The following PTPN11 variants were observed in gnomAD, a reference collection of about 807,000 sequenced individuals.
PTPN11 encodes protein tyrosine phosphatase non-receptor type 11.
PTPN11 carries 6 observed loss-of-function variants against 78.8 expected under a neutral mutation model. The ratio of observed to expected loss-of-function variants is 0.08; its 90% CI spans 0.04 to 0.15. The LOEUF is 0.15. PTPN11 is among the 10% of genes least tolerant of loss of function. PTPN11 has a pLI of 1.00. For missense variants in PTPN11, 386 were observed against 744.8 expected (o/e 0.52, Z 5.61); for synonymous variants, 221 against 263.5 (o/e 0.84, Z 1.56).
In PTPN11 at chr12:112,434,751, C is replaced by A. The variant is rs190596079; in HGVS notation, c.15-11525C>A. Among the ~76,000 whole-genome samples, 156 of 152,082 alleles carry A rather than the reference C, an allele frequency of 1.0e-3. 1 individual carries two copies. Among genetic ancestry groups the A allele is most frequent in the Admixed American group, 3.5e-3 (53 of 15,264 alleles). ...TAGTGTGTATATGCACATGAACATA[C>A]GTGTCAGTGTATATATGTATATATA... On this transcript the variant is annotated intron_variant, in intron 1 of 15. Transcript: ENST00000351677.
At chr12:112,464,207 C>T (rs561238582) in intron 6 of PTPN11, among the ~76,000 whole-genome samples, 5 of 152,282 alleles carry the variant, frequency 3.3e-5, no homozygotes, top group South Asian at 4.1e-4. Context: ...AAATTCTACA[C>T]GTCATTTCAG....
chr12:112,423,257 A>G (rs1048837456), intron 1 of PTPN11, among the ~76,000 whole-genome samples: 1 of 152,196 alleles, frequency 6.6e-6, no homozygotes, highest in Non-Finnish European at 1.5e-5. Flanking sequence ...CATCAAATGA[A>G]TTTGATAAAG....
At chr12:112,479,572 A>G (rs567200909) in intron 9 of PTPN11, among the ~76,000 whole-genome samples, 2 of 152,350 alleles carry the variant, frequency 1.3e-5, no homozygotes, top group Non-Finnish European at 2.9e-5. Context: ...CTGTGGTAAC[A>G]TTAGGTGTTC....
chr12:112,477,276 C>G (rs921244568), intron 7 of PTPN11, among the ~76,000 whole-genome samples: 3 of 152,158 alleles, frequency 2.0e-5, no homozygotes, highest in Non-Finnish European at 4.4e-5. Flanking sequence ...CTTGGCCTCC[C>G]AAAGTGCTGA....
intron 6 of PTPN11, among the ~76,000 whole-genome samples, chr12:112,470,913 G>C (rs891752901): frequency 4.6e-5 from 7 of 152,268 alleles, no homozygotes; most frequent in African/African-American, 9.6e-5. Flanking sequence ...AGTATTGCTT[G>C]GTAAGACTGG....
intron 1 of PTPN11, among the ~76,000 whole-genome samples, chr12:112,439,511 C>T (rs1174725637): frequency 2.0e-5 from 3 of 151,720 alleles, no homozygotes; most frequent in Non-Finnish European, 2.9e-5. Context: ...CTCTTTTGTT[C>T]AGGCTGGAGT....
chr12:112,460,923 C>T (rs1204130756), intron 6 of PTPN11, among the ~76,000 whole-genome samples: 1 of 152,060 alleles, frequency 6.6e-6, no homozygotes, highest in Non-Finnish European at 1.5e-5. Context: ...TCTTCCTTCC[C>T]CCTCTCCCTG....
intron 5 of PTPN11, among the ~76,000 whole-genome samples, chr12:112,455,618 G>A (rs2038147701): frequency 6.6e-6 from 1 of 152,068 alleles, no homozygotes; most frequent in Non-Finnish European, 1.5e-5. Flanking sequence ...ATTCACTTTG[G>A]CATTGTTGCT....
intron 10 of PTPN11, among the ~76,000 whole-genome samples, chr12:112,484,498 G>T (rs545271425): frequency 4.6e-5 from 7 of 152,224 alleles, no homozygotes; most frequent in Non-Finnish European, 1.0e-4. Context: ...GGGGACAGGG[G>T]CAGGAGGAGG....
At chr12:112,502,120 CAT>C in intron 13 of PTPN11, 22 bp from the exon 14 acceptor site, 2 of 1,546,332 alleles carry the variant, frequency 1.3e-6, no homozygotes, top group Non-Finnish European at 1.8e-6. Context: ...TTGTCCCTCA[CAT>C]GTGCACTCTT....
intron 9 of PTPN11, among the ~76,000 whole-genome samples, chr12:112,481,345 G>A (rs561374535): frequency 6.6e-6 from 1 of 152,280 alleles, no homozygotes; most frequent in East Asian, 1.9e-4. Flanking sequence ...ACATTGGTTG[G>A]TCCTTCTCTC....
intron 1 of PTPN11, among the ~76,000 whole-genome samples, chr12:112,428,326 G>C (rs1274462281): frequency 6.8e-6 from 1 of 147,128 alleles, no homozygotes; most frequent in Admixed American, 6.8e-5. Context: ...TGTTGGTTCA[G>C]TTTTTAAACT....
rs2038906236 is a variant in PTPN11, at chr12:112,504,004, T to G, written c.1713-691T>G. Among the ~76,000 whole-genome samples the G allele has an allele frequency of 6.6e-6, 1 of 152,148 alleles. No homozygotes were observed. Among genetic ancestry groups the G allele is most frequent in the Non-Finnish European group, 1.5e-5 (1 of 68,032 alleles). The stretch of plus-strand genomic sequence containing the variant: ...AGATCTCTCATCACTGCCTGCCTGC[T>G]CCTGTATTTTCCCTTCTTGGAGCTT... On this transcript the variant is annotated intron_variant, in intron 14 of 15. Coordinates refer to ENST00000351677, the MANE Select transcript of PTPN11 (RefSeq NM_002834.5). This position sits in a 1 kb window ranked among gnomAD's most constrained non-coding sequence, Gnocchi z 4.7.
intron 1 of PTPN11, among the ~76,000 whole-genome samples, chr12:112,441,782 CTT>C (rs879452095): frequency 3.5e-5 from 5 of 144,616 alleles, no homozygotes; most frequent in Non-Finnish European, 3.1e-5. Context: ...TGAAGAATAT[CTT>C]TTTTTTTTTT....
chr12:112,436,469 T>G (rs1408848354), intron 1 of PTPN11, among the ~76,000 whole-genome samples: 3 of 152,154 alleles, frequency 2.0e-5, no homozygotes, highest in Non-Finnish European at 2.9e-5. Flanking sequence ...CATTCTGGGA[T>G]TTGAGACAGT....
At chr12:112,458,014 G>A (rs1422093105) in intron 6 of PTPN11, among the ~76,000 whole-genome samples, 1 of 152,146 alleles carries the variant, frequency 6.6e-6, no homozygotes, top group African/African-American at 2.4e-5. Flanking sequence ...ATTATTCTAT[G>A]CTTTTTGAGG....
intron 6 of PTPN11, among the ~76,000 whole-genome samples, chr12:112,469,820 A>G (rs2038385735): frequency 6.6e-6 from 1 of 152,178 alleles, no homozygotes; most frequent in Non-Finnish European, 1.5e-5. Flanking sequence ...TGGCTGAGGC[A>G]GTTTCTTTTT....
At chr12:112,440,432 C>T (rs933122631) in intron 1 of PTPN11, among the ~76,000 whole-genome samples, 1 of 151,648 alleles carries the variant, frequency 6.6e-6, no homozygotes, top group African/African-American at 2.4e-5. Flanking sequence ...TGCCACAACA[C>T]CCAGCTAATT....
intron 13 of PTPN11, among the ~76,000 whole-genome samples, chr12:112,491,434 G>A (rs1038615526): frequency 2.6e-5 from 4 of 151,878 alleles, no homozygotes; most frequent in Admixed American, 2.0e-4. Context: ...ATGTTTGTTG[G>A]TTACAAACAT....
Sources: gnomAD v4.1 joint callset for allele counts (sites outside exome capture counted in the v4.1 genomes callset) on GRCh38, gnomAD v4.1.1 for gene constraint, Gnocchi (gnomAD v3.1) non-coding constraint, MANE v1.5 for transcripts, NCBI Gene and HGNC (gene_info 2026-07-23, HGNC 2026-07-21) for gene names.